PTPN13: variants seen among roughly 807,000 people sequenced by gnomAD.
PTPN13 encodes protein tyrosine phosphatase non-receptor type 13.
In PTPN13, 191 loss-of-function variants were observed where a neutral mutation model predicts 284.0. The ratio of observed to expected loss-of-function variants is 0.67; its 90% CI spans 0.60 to 0.76. PTPN13 has a LOEUF of 0.76. Among genes scored for constraint, PTPN13 ranks in the 30% least tolerant of loss-of-function variants. The pLI is 0.00. For missense variants in PTPN13, 2,797 were observed against 2,939.9 expected (o/e 0.95, Z 1.12); for synonymous variants, 986 against 1,022.3 (o/e 0.96, Z 0.68).
Position 86,758,665 on chromosome 4 carries a change from T to C in PTPN13, c.3314-13T>C. ...GCAATATGAAAATCTTTTTAAAATG[T>C]GTTATTTTACAGGATTTCAAATTAT... On this transcript the variant is annotated splice_polypyrimidine_tract_variant and intron_variant, in intron 21 of 47. Transcript: ENST00000411767. The C allele has an allele frequency of 1.3e-6, 2 of 1,593,558 alleles. No individual in the cohort carries two copies. The highest frequency in any genetic ancestry group is 1.7e-6 in the Non-Finnish European group (2 of 1,162,128).
At chr4:86,749,313 A>T (rs902271349) in intron 17 of PTPN13, among the ~76,000 whole-genome samples, 5 of 146,734 alleles carry the variant, frequency 3.4e-5, no homozygotes, top group East Asian at 2.0e-4. Context: ...CTTCATCTTC[A>T]TCATCATCAT....
chr4:86,780,570 A>G (rs769861339), intron 36 of PTPN13, 98 bp downstream of exon 36: 26 of 800,566 alleles, frequency 3.2e-5, no homozygotes, highest in Non-Finnish European at 4.9e-5. Flanking sequence ...CTTAAAAATT[A>G]TAACTTACAC....
chr4:86,650,155 T>G (rs906369054), intron 2 of PTPN13, among the ~76,000 whole-genome samples: 3 of 150,972 alleles, frequency 2.0e-5, no homozygotes, highest in Admixed American at 6.6e-5. Flanking sequence ...CCCGGATAAT[T>G]TTTGTGTTTT....
At chr4:86,713,668 T>G (rs188840606) in intron 7 of PTPN13, among the ~76,000 whole-genome samples, 6 of 152,214 alleles carry the variant, frequency 3.9e-5, no homozygotes, top group Middle Eastern at 3.4e-3. Context: ...GTTCTCCAAG[T>G]AAACATTATC....
At position 86,649,105 on chromosome 4, in the gene PTPN13, C is replaced by A. The variant is rs140315592; in HGVS notation, c.115+13734C>A. Among the ~76,000 whole-genome samples the A allele has an allele frequency of 3.3e-5, 5 of 151,934 alleles. No homozygotes were observed. In the East Asian group the frequency reaches 7.7e-4, roughly 23 times the overall value. Reference sequence around the variant, plus strand: ...TTTTCCTCTTAAGTTGTTTGTGTTCCTTATATATTCTGGTTATTAATCCAT... The same window carrying A: ...TTTTCCTCTTAAGTTGTTTGTGTTCATTATATATTCTGGTTATTAATCCAT... On this transcript the variant is annotated intron_variant, in intron 2 of 47. Coordinates refer to ENST00000411767, the MANE Select transcript of PTPN13 (RefSeq NM_080683.3).
intron 15 of PTPN13, among the ~76,000 whole-genome samples, chr4:86,741,022 C>T (rs982668738): frequency 3.3e-5 from 5 of 152,206 alleles, no homozygotes; most frequent in Non-Finnish European, 5.9e-5. Flanking sequence ...CAGCCTGGAC[C>T]TTATTGTTCA....
At chr4:86,669,285 GTATATATATATATATATATA>G (rs34939020) in intron 2 of PTPN13, among the ~76,000 whole-genome samples, 1 of 113,342 alleles carries the variant, frequency 8.8e-6, no homozygotes, top group African/African-American at 3.4e-5. Flanking sequence ...GGAAGAAGAT[GTATATATATATATATATATA>G]TATATATATA....
At chr4:86,722,074 A>G (rs2149089943) in intron 9 of PTPN13, 138 bp from the exon 10 acceptor site, 1 of 696,040 alleles carries the variant, frequency 1.4e-6, no homozygotes, top group Middle Eastern at 4.0e-4. Flanking sequence ...CATACTGTGT[A>G]ATGTAAAGAT....
chr4:86,637,856 A>G (rs1267911634), intron 2 of PTPN13, among the ~76,000 whole-genome samples: 1 of 148,766 alleles, frequency 6.7e-6, no homozygotes, highest in Non-Finnish European at 1.5e-5. Context: ...AAGGAAATAA[A>G]GGGTATTCAA....
chr4:86,617,203 A>T (rs1166095910), intron 1 of PTPN13, among the ~76,000 whole-genome samples: 1 of 152,176 alleles, frequency 6.6e-6, no homozygotes, highest in Non-Finnish European at 1.5e-5. Context: ...TGGTAGCCAC[A>T]AGTTCCCTGT....
At chr4:86,779,632 A>G (rs1197824778) in intron 35 of PTPN13, among the ~76,000 whole-genome samples, 1 of 152,152 alleles carries the variant, frequency 6.6e-6, no homozygotes, top group East Asian at 1.9e-4. Flanking sequence ...CCAGATAAAA[A>G]GAGGTCAGGA....
Position 86,734,762 on chromosome 4 carries a change from T to C in PTPN13, c.2038T>C (p.Tyr680His). The change falls in exon 14 of 48, where the codon TAC becomes CAC. Residue 680 changes from tyrosine to histidine, a missense_variant. Tyr to His is a moderately conservative substitution (Grantham distance 83). Coordinates refer to ENST00000411767, the MANE Select transcript of PTPN13 (RefSeq NM_080683.3). ...IQHTLTCHQY[Y>H]LQLRKDILEE... ...ACATACTCTGACGTGTCATCAGTAT[T>C]ACCTTCAGCTTCGAAAAGATATTTT... The C allele has an allele frequency of 6.2e-7, 1 of 1,613,304 alleles. No individual in the cohort carries two copies. The highest frequency in any genetic ancestry group is 8.5e-7 in the Non-Finnish European group (1 of 1,179,448).
chr4:86,768,750 G>A (rs185132199), intron 28 of PTPN13, among the ~76,000 whole-genome samples: 1 of 122,196 alleles, frequency 8.2e-6, no homozygotes, highest in East Asian at 2.3e-4. Context: ...TCGTTCTGTT[G>A]CCCAGGCTGG....
At chr4:86,622,163 C>T (rs1318295326) in intron 1 of PTPN13, among the ~76,000 whole-genome samples, 1 of 152,164 alleles carries the variant, frequency 6.6e-6, no homozygotes. Context: ...TAGTAAAATT[C>T]TGTTACATTT....
At position 86,732,394 on chromosome 4, in the gene PTPN13, T is replaced by C. The variant is rs767935411; in HGVS notation, c.1609-6T>C. 42 of 1,577,598 alleles carry C rather than the reference T, an allele frequency of 2.7e-5. No homozygotes were observed. The highest frequency in any genetic ancestry group is 3.3e-5 in the Non-Finnish European group (38 of 1,159,682). On this transcript the variant is annotated splice_region_variant and splice_polypyrimidine_tract_variant and intron_variant, in intron 10 of 47. Coordinates refer to ENST00000411767, the MANE Select transcript of PTPN13 (RefSeq NM_080683.3). ...AAAATATTGATTCTGCTTATGTGAT[T>C]TGCAGAATTTCTTTGGCCCTGAGTT...
chr4:86,639,498 T>TA (rs1046814679), intron 2 of PTPN13, among the ~76,000 whole-genome samples: 19 of 151,876 alleles, frequency 1.3e-4, no homozygotes, highest in African/African-American at 4.1e-4. Context: ...TATGCAGCCA[T>TA]AAAAAAATGA....
At chr4:86,746,159 A>C (rs1736738666) in intron 17 of PTPN13, among the ~76,000 whole-genome samples, 1 of 152,226 alleles carries the variant, frequency 6.6e-6, no homozygotes, top group Non-Finnish European at 1.5e-5. Flanking sequence ...TTTGAAAAGG[A>C]GCCAGCAGAA....
chr4:86,633,915 C>T (rs766666146), intron 1 of PTPN13, among the ~76,000 whole-genome samples: 7 of 152,052 alleles, frequency 4.6e-5, no homozygotes, highest in African/African-American at 1.2e-4. Flanking sequence ...TAAGTAAAAA[C>T]GCTTTTGGCT....
chr4:86,803,605 T>C lies in PTPN13; in HGVS notation c.6506-104T>C, dbSNP rs1050343485. 4.2e-5 allele frequency: 51 copies of C among 1,207,266 alleles called. No homozygotes were observed. In the African/African-American group the frequency reaches 6.5e-4, roughly 15 times the overall value. The allele number at this position is 1,207,266 out of a possible 1,614,324, so 74.8% of individuals were successfully genotyped here. On this transcript the variant is annotated intron_variant, in intron 42 of 47. Transcript: ENST00000411767. ...AAGATTCTATCTCTAAATAAATAAATAGACTTTCCCTTTTGTAAGATGAGG... is the reference window on the plus strand; with the variant it reads ...AAGATTCTATCTCTAAATAAATAAACAGACTTTCCCTTTTGTAAGATGAGG...
Sources: allele counts gnomAD v4.1 joint callset (sites outside exome capture counted in the v4.1 genomes callset), GRCh38; gene constraint gnomAD v4.1.1; transcripts MANE v1.5; gene names NCBI Gene and HGNC (gene_info 2026-07-23, HGNC 2026-07-21).